AGPAT4: variants seen among roughly 807,000 people sequenced by gnomAD.
AGPAT4 encodes 1-acyl-sn-glycerol-3-phosphate acyltransferase delta.
AGPAT4 carries 15 observed loss-of-function variants against 48.0 expected under a neutral mutation model. The ratio of observed to expected loss-of-function variants is 0.31; its 90% CI spans 0.21 to 0.48. AGPAT4 has a LOEUF of 0.48. AGPAT4 is among the 20% of genes least tolerant of loss of function. The pLI, the probability that AGPAT4 is intolerant of heterozygous loss-of-function variation, is 0.99. For missense variants in AGPAT4, 314 were observed against 482.5 expected, an observed-to-expected ratio of 0.65 and a Z score of 3.27; for synonymous variants, 178 against 198.7, an observed-to-expected ratio of 0.90 and a Z score of 0.88.
chr6:161,236,626 G>C lies in AGPAT4; in HGVS notation c.-89-4324C>G, dbSNP rs555423996. On this transcript the variant is annotated intron_variant, in intron 1 of 8. Coordinates refer to ENST00000320285, the MANE Select transcript of AGPAT4 (RefSeq NM_020133.3). This position sits in a 1 kb window ranked among gnomAD's most constrained non-coding sequence, Gnocchi z 5.0. ...AAGCAGTAAAAGGAAAGGGGAGGCC[G>C]GGAGCAGTGGCTCACACCTGTAATC... is the stretch of plus-strand genomic sequence containing the variant. 6.6e-6 allele frequency among the ~76,000 whole-genome samples: 1 copy of C among 152,082 alleles called. No homozygotes were observed. Among genetic ancestry groups the C allele is most frequent in the Non-Finnish European group, 1.5e-5 (1 of 68,036 alleles).
chr6:161,253,622 T>C (rs1040672128), intron 1 of AGPAT4, among the ~76,000 whole-genome samples: 1 of 151,344 alleles, frequency 6.6e-6, no homozygotes, highest in Non-Finnish European at 1.5e-5. Flanking sequence ...AAATTATAAA[T>C]ATTTTATTTG....
chr6:161,236,556 G>A lies in AGPAT4; in HGVS notation c.-89-4254C>T, dbSNP rs557104714. ...CAAAGAAATCTGGCCACAGAGGCTG[G>A]CACGGTTACCTCTGGGGGCAGACAA... is the stretch of plus-strand genomic sequence containing the variant. On this transcript the variant is annotated intron_variant, in intron 1 of 8. Transcript: ENST00000320285. This position sits in a 1 kb window ranked among gnomAD's most constrained non-coding sequence, Gnocchi z 5.0. 6.6e-6 allele frequency among the ~76,000 whole-genome samples: 1 copy of A among 152,078 alleles called. No homozygotes were observed. Among genetic ancestry groups the A allele is most frequent in the African/African-American group, 2.4e-5 (1 of 41,398 alleles).
In AGPAT4 at chr6:161,262,076, C is replaced by T. The variant is rs1783118895; in HGVS notation, c.-90+11862G>A. 6.6e-6 allele frequency among the ~76,000 whole-genome samples: 1 copy of T among 152,178 alleles called. No individual in the cohort carries two copies. Among genetic ancestry groups the T allele is most frequent in the Non-Finnish European group, 1.5e-5 (1 of 68,034 alleles). On this transcript the variant is annotated intron_variant, in intron 1 of 8. Coordinates refer to ENST00000320285, the MANE Select transcript of AGPAT4 (RefSeq NM_020133.3). The surrounding 1 kb of genome is among the most constrained non-coding windows in gnomAD (Gnocchi z 4.9). ...ATGTCGCTGTGGTCATCATTATCAT[C>T]ACTGTGCCATCACCACAGCCTGGGC...
At chr6:161,268,646 A>T (rs1460262858) in intron 1 of AGPAT4, among the ~76,000 whole-genome samples, 11 of 152,234 alleles carry the variant, frequency 7.2e-5, no homozygotes, top group Admixed American at 6.5e-4. Flanking sequence ...TGCCAACCAG[A>T]GTTATTAGGA....
chr6:161,178,259 C>G lies in AGPAT4; in HGVS notation c.179-11842G>C, dbSNP rs1780479931. Among the ~76,000 whole-genome samples the G allele has an allele frequency of 2.0e-5, 3 of 152,194 alleles. No homozygotes were observed. In the South Asian group the frequency reaches 6.2e-4, roughly 31 times the overall value. Reference sequence around the variant, plus strand: ...GGAGTCTACAGAGGCATGCAGGCCTCCTTGAGCTGCGGTGGGCTCCACCCA... The same window carrying G: ...GGAGTCTACAGAGGCATGCAGGCCTGCTTGAGCTGCGGTGGGCTCCACCCA... On this transcript the variant is annotated intron_variant, in intron 2 of 8. Transcript: ENST00000320285. The surrounding 1 kb of genome is among the most constrained non-coding windows in gnomAD (Gnocchi z 5.1).
In AGPAT4 at chr6:161,149,553, C is replaced by CT. The variant is rs199781811; in HGVS notation, c.665-265dup. Among the ~76,000 whole-genome samples the CT allele has an allele frequency of 0.01, 1,571 of 151,054 alleles. 22 individuals carry two copies. Among genetic ancestry groups the CT allele is most frequent in the African/African-American group, 0.036 (1,469 of 41,216 alleles). ...ATCATTTTTTTCTTTTCTTTCTTTT[C>CT]TTTTTTTTTGGAGATGGAGTCTCAC... is the stretch of plus-strand genomic sequence containing the variant. On this transcript the variant is annotated intron_variant, in intron 5 of 8. Coordinates refer to ENST00000320285, the MANE Select transcript of AGPAT4 (RefSeq NM_020133.3). This position sits in a 1 kb window ranked among gnomAD's most constrained non-coding sequence, Gnocchi z 6.5.
rs983184153 is a variant in AGPAT4, at chr6:161,232,009, G to A, written c.178+27C>T. 26 of 1,608,432 alleles carry A rather than the reference G, an allele frequency of 1.6e-5. No individual in the cohort carries two copies. Among genetic ancestry groups the A allele is most frequent in the African/African-American group, 2.7e-5 (2 of 74,806 alleles). Reference sequence around the variant, plus strand: ...TGATACACACATCCACAATGGAGACGAAAATATAGAATCTTAAGTATCTTA... The same window carrying A: ...TGATACACACATCCACAATGGAGACAAAAATATAGAATCTTAAGTATCTTA... On this transcript the variant is annotated intron_variant, in intron 2 of 8. Transcript: ENST00000320285. The surrounding 1 kb of genome is among the most constrained non-coding windows in gnomAD (Gnocchi z 6.8).
At chr6:161,260,140 G>C (rs1783058048) in intron 1 of AGPAT4, among the ~76,000 whole-genome samples, 1 of 151,992 alleles carries the variant, frequency 6.6e-6, no homozygotes, top group South Asian at 2.1e-4. Flanking sequence ...GAAGACGGAG[G>C]GGCCATTACT....
intron 2 of AGPAT4, among the ~76,000 whole-genome samples, chr6:161,228,841 C>A (rs74374650): frequency 1.2e-3 from 178 of 152,102 alleles, no homozygotes; most frequent in Middle Eastern, 3.4e-3. Flanking sequence ...CCAAGCCAGC[C>A]TGACTTGGCC....
chr6:161,176,146 T>C (rs1780421016), intron 2 of AGPAT4, among the ~76,000 whole-genome samples: 1 of 152,232 alleles, frequency 6.6e-6, no homozygotes, highest in Non-Finnish European at 1.5e-5. Flanking sequence ...CAGATGTCTA[T>C]TAGGTCCACT....
intron 2 of AGPAT4, among the ~76,000 whole-genome samples, chr6:161,194,825 G>A (rs570885173): frequency 6.6e-6 from 1 of 152,134 alleles, no homozygotes; most frequent in Non-Finnish European, 1.5e-5. Context: ...ATCAGACTTG[G>A]TGCCTGTCAC....
At chr6:161,260,948 C>CTGATTTCATGATTT (rs1783083853) in intron 1 of AGPAT4, among the ~76,000 whole-genome samples, 1 of 152,152 alleles carries the variant, frequency 6.6e-6, no homozygotes, top group African/African-American at 2.4e-5. Flanking sequence ...CCAGGCAGGG[C>CTGATTTCATGATTT]CATGAGGAGG....
chr6:161,266,539 G>A lies in AGPAT4; in HGVS notation c.-90+7399C>T, dbSNP rs1783269063. 6.6e-6 allele frequency among the ~76,000 whole-genome samples: 1 copy of A among 152,184 alleles called. No individual in the cohort carries two copies. Among genetic ancestry groups the A allele is most frequent in the Non-Finnish European group, 1.5e-5 (1 of 68,032 alleles). On this transcript the variant is annotated intron_variant, in intron 1 of 8. Transcript: ENST00000320285. The surrounding 1 kb of genome is among the most constrained non-coding windows in gnomAD (Gnocchi z 6.2). Reference sequence around the variant, plus strand: ...GAATGGGGTGATGGGAGAGCGTCAGGAAAGCAGAGGCTGGAGGCAGATGCT... The same window carrying A: ...GAATGGGGTGATGGGAGAGCGTCAGAAAAGCAGAGGCTGGAGGCAGATGCT...
chr6:161,167,490 C>G (rs1780137091), intron 2 of AGPAT4, among the ~76,000 whole-genome samples: 1 of 152,224 alleles, frequency 6.6e-6, no homozygotes, highest in African/African-American at 2.4e-5. Context: ...TCCTAAAGTG[C>G]TGGGATTACA....
In AGPAT4 at chr6:161,240,219, T is replaced by TACACAC. The variant is rs1491515870; in HGVS notation, c.-89-7918_-89-7917insGTGTGT. 8.2e-6 allele frequency among the ~76,000 whole-genome samples: 1 copy of TACACAC among 121,868 alleles called. No individual in the cohort carries two copies. Among genetic ancestry groups the TACACAC allele is most frequent in the East Asian group, 2.3e-4 (1 of 4,440 alleles). 80.0% of individuals were successfully genotyped at this position (121,868 alleles called of 152,430 possible). On this transcript the variant is annotated intron_variant, in intron 1 of 8. Transcript: ENST00000320285. The surrounding 1 kb of genome is among the most constrained non-coding windows in gnomAD (Gnocchi z 5.5). ...AACACTAACAGCAGATATCTTTGTG[T>TACACAC]ATACACACACACACACACACACACA...
At chr6:161,228,661 T>TAAAAAAAAAAAAAAAAAAAAAAAAAAA (rs375011382) in intron 2 of AGPAT4, among the ~76,000 whole-genome samples, 3 of 84,110 alleles carry the variant, frequency 3.6e-5, no homozygotes, top group East Asian at 7.1e-4. Flanking sequence ...GTCAGAGAGG[T>TAAAAAAAAAAAAAAAAAAAAAAAAAAA]AAAAAAAAAA....
At chr6:161,269,056 G>A (rs1783349198) in intron 1 of AGPAT4, among the ~76,000 whole-genome samples, 1 of 152,216 alleles carries the variant, frequency 6.6e-6, no homozygotes, top group African/African-American at 2.4e-5. Flanking sequence ...AGGATATTCA[G>A]TGAACTAATG....
At position 161,250,086 on chromosome 6, in the gene AGPAT4, C is replaced by A. The variant is rs1782764796; in HGVS notation, c.-89-17784G>T. 2.0e-5 allele frequency among the ~76,000 whole-genome samples: 3 copies of A among 150,506 alleles called. No individual in the cohort carries two copies. In the South Asian group the frequency reaches 6.2e-4, roughly 31 times the overall value. On this transcript the variant is annotated intron_variant, in intron 1 of 8. Transcript: ENST00000320285. ...GGCCATTATCCTTAGCAAACTAATG[C>A]AGAAACAGAAAACCAAACACCACGT... is the stretch of plus-strand genomic sequence containing the variant.
At chr6:161,203,381 CTTTTTTTTT>C (rs10585542) in intron 2 of AGPAT4, among the ~76,000 whole-genome samples, 3 of 110,764 alleles carry the variant, frequency 2.7e-5, no homozygotes, top group Admixed American at 9.2e-5. Flanking sequence ...CTTTTTCTTT[CTTTTTTTTT>C]TTTTTTTTTT....
Sources: gnomAD v4.1 joint callset for allele counts (sites outside exome capture counted in the v4.1 genomes callset) on GRCh38, gnomAD v4.1.1 for gene constraint, Gnocchi (gnomAD v3.1) non-coding constraint, MANE v1.5 for transcripts, NCBI Gene and HGNC (gene_info 2026-07-23, HGNC 2026-07-21) for gene names.